SLC35F3: variants seen among roughly 807,000 people sequenced by gnomAD.
The protein encoded by SLC35F3 is solute carrier family 35 member F3.
In SLC35F3, 25 loss-of-function variants were observed where a neutral mutation model predicts 49.9. The ratio of observed to expected loss-of-function variants is 0.50; its 90% CI spans 0.37 to 0.70. SLC35F3 has a LOEUF of 0.70. Among genes scored for constraint, SLC35F3 ranks in the 30% least tolerant of loss-of-function variants. SLC35F3 has a pLI of 0.00. For missense variants in SLC35F3, 525 were observed against 639.8 expected (o/e 0.82, Z 1.94); for synonymous variants, 275 against 265.4 (o/e 1.04, Z -0.35).
At chr1:234,080,259 T>C (rs1009500933) in intron 2 of SLC35F3, among the ~76,000 whole-genome samples, 1 of 152,208 alleles carries the variant, frequency 6.6e-6, no homozygotes, top group Non-Finnish European at 1.5e-5. Context: ...GCTGAGAGGT[T>C]GCTGTGCCTG....
chr1:233,937,541 A>G (rs1662354691), intron 2 of SLC35F3, among the ~76,000 whole-genome samples: 1 of 152,202 alleles, frequency 6.6e-6, no homozygotes, highest in African/African-American at 2.4e-5. Context: ...GAATCCTGAG[A>G]CATCAGTTAT....
At chr1:234,060,862 A>G (rs1032619885) in intron 2 of SLC35F3, among the ~76,000 whole-genome samples, 8 of 152,178 alleles carry the variant, frequency 5.3e-5, no homozygotes, top group South Asian at 4.1e-4. Flanking sequence ...ATCCCAACAT[A>G]GCTTTGCTCC....
chr1:234,071,088 A>G (rs1664706876), intron 2 of SLC35F3, among the ~76,000 whole-genome samples: 1 of 152,220 alleles, frequency 6.6e-6, no homozygotes, highest in African/African-American at 2.4e-5. Flanking sequence ...TATACCTTTC[A>G]AAGGAGTTGT....
chr1:234,283,549 G>A lies in SLC35F3; in HGVS notation c.609-25552G>A, dbSNP rs184922115. On this transcript the variant is annotated intron_variant, in intron 3 of 7. Coordinates refer to ENST00000366618, the MANE Select transcript of SLC35F3 (RefSeq NM_173508.4). ...TGGTCCAGTTGTTCCTAAGGCAGAC[G>A]GATACTAACAAGAGGGAGATTTAAT... Among the ~76,000 whole-genome samples the A allele has an allele frequency of 7.2e-5, 11 of 152,312 alleles. No individual in the cohort carries two copies. In the East Asian group the frequency reaches 1.4e-3, roughly 19 times the overall value.
At chr1:234,194,136 T>TA (rs57680971) in intron 2 of SLC35F3, among the ~76,000 whole-genome samples, 14 of 151,904 alleles carry the variant, frequency 9.2e-5, no homozygotes, top group African/African-American at 3.4e-4. Context: ...AAGTCATTAT[T>TA]AAAAAAAGAT....
intron 2 of SLC35F3, among the ~76,000 whole-genome samples, chr1:234,156,824 C>G (rs1572073620): frequency 6.6e-6 from 1 of 151,924 alleles, no homozygotes; most frequent in African/African-American, 2.4e-5. Context: ...ATGAATGAAC[C>G]TTGAAAATAT....
At chr1:234,235,620 C>G (rs1242663543) in intron 3 of SLC35F3, among the ~76,000 whole-genome samples, 1 of 152,208 alleles carries the variant, frequency 6.6e-6, no homozygotes, top group Non-Finnish European at 1.5e-5. Flanking sequence ...CAGTAATGAC[C>G]TGCTTTCGAA....
intron 3 of SLC35F3, among the ~76,000 whole-genome samples, chr1:234,288,139 A>G (rs1668452746): frequency 6.6e-6 from 1 of 152,134 alleles, no homozygotes; most frequent in Non-Finnish European, 1.5e-5. Flanking sequence ...CTCCTGCCTC[A>G]GCCTCCCAAG....
At chr1:234,313,246 A>G (rs2102995843) in intron 4 of SLC35F3, among the ~76,000 whole-genome samples, 1 of 152,308 alleles carries the variant, frequency 6.6e-6, no homozygotes, top group South Asian at 2.1e-4. Context: ...CACCTAGGGC[A>G]CCACTAACCC....
At chr1:234,008,431 T>G (rs1663664044) in intron 2 of SLC35F3, among the ~76,000 whole-genome samples, 1 of 152,236 alleles carries the variant, frequency 6.6e-6, no homozygotes, top group South Asian at 2.1e-4. Flanking sequence ...TAGGTCCCTC[T>G]CTGGTCAGGG....
chr1:234,050,644 A>T (rs1009732818), intron 2 of SLC35F3, among the ~76,000 whole-genome samples: 6 of 152,226 alleles, frequency 3.9e-5, no homozygotes, highest in Non-Finnish European at 7.3e-5. Flanking sequence ...TAGTTTAATT[A>T]GATCCCATTT....
Position 234,208,127 on chromosome 1 carries a change from G to T in SLC35F3, c.284-23290G>T, listed in dbSNP as rs630922. Among the ~76,000 whole-genome samples, 1,215 of 152,314 alleles carry T rather than the reference G, an allele frequency of 8.0e-3. 20 individuals are homozygous for T. The highest frequency in any genetic ancestry group is 0.027 in the African/African-American group (1,133 of 41,562). ...AGAGGAGACTTGGTGGCCACTGCAG[G>T]TTGGCTGCTTCTTCCTGGAAGAGCT... On this transcript the variant is annotated intron_variant, in intron 2 of 7. Transcript: ENST00000366618.
At chr1:234,253,348 T>TA (rs201475684) in intron 3 of SLC35F3, among the ~76,000 whole-genome samples, 2,943 of 142,022 alleles carry the variant, frequency 0.021, 80 homozygotes, top group South Asian at 0.062. Context: ...TAATAATAAT[T>TA]AAAAAAAAAA....
intron 2 of SLC35F3, among the ~76,000 whole-genome samples, chr1:233,970,472 C>A (rs1226064128): frequency 6.6e-6 from 1 of 152,286 alleles, no homozygotes; most frequent in South Asian, 2.1e-4. Flanking sequence ...GTGAATGTAT[C>A]TTGCATGAGG....
At chr1:234,167,616 A>G (rs1666338976) in intron 2 of SLC35F3, among the ~76,000 whole-genome samples, 1 of 152,188 alleles carries the variant, frequency 6.6e-6, no homozygotes, top group Non-Finnish European at 1.5e-5. Flanking sequence ...GAGTGCTTTC[A>G]TATCTACTGT....
chr1:233,945,754 C>A (rs1375187379), intron 2 of SLC35F3, among the ~76,000 whole-genome samples: 2 of 152,154 alleles, frequency 1.3e-5, no homozygotes, highest in African/African-American at 4.8e-5. Context: ...ACAGGAGTTC[C>A]CCTGCACAGG....
At chr1:233,940,895 A>G (rs1199441634) in intron 2 of SLC35F3, among the ~76,000 whole-genome samples, 1 of 152,208 alleles carries the variant, frequency 6.6e-6, no homozygotes, top group Non-Finnish European at 1.5e-5. Context: ...TACTATTACT[A>G]CAAAATGTCT....
At chr1:234,255,222 T>A (rs922953952) in intron 3 of SLC35F3, among the ~76,000 whole-genome samples, 1 of 152,150 alleles carries the variant, frequency 6.6e-6, no homozygotes, top group Non-Finnish European at 1.5e-5. Flanking sequence ...TCACCAAAGA[T>A]GATATACAGA....
intron 2 of SLC35F3, among the ~76,000 whole-genome samples, chr1:234,153,473 G>A (rs1229902301): frequency 7.2e-5 from 11 of 152,208 alleles, no homozygotes; most frequent in African/African-American, 1.7e-4. Flanking sequence ...AAATACAAAT[G>A]GGGGAAGAAC....
Sources: gnomAD v4.1 joint callset for allele counts (sites outside exome capture counted in the v4.1 genomes callset) on GRCh38, gnomAD v4.1.1 for gene constraint, MANE v1.5 for transcripts, NCBI Gene and HGNC (gene_info 2026-07-23, HGNC 2026-07-21) for gene names.